HHIP: variants seen among roughly 807,000 people sequenced by gnomAD.
The protein encoded by HHIP is hedgehog interacting protein, also known as hedgehog-interacting protein.
Under a neutral mutation model 74.0 loss-of-function variants are expected in HHIP, and 12 were observed. The observed-to-expected ratio is 0.16, with a 90% CI of 0.10 to 0.26. The LOEUF (loss-of-function observed/expected upper bound fraction) is 0.26, where lower values mean the gene tolerates loss of function less well. Among genes scored for constraint, HHIP ranks in the 10% least tolerant of loss-of-function variants. The pLI, the probability that HHIP is intolerant of heterozygous loss-of-function variation, is 1.00. For synonymous variants in HHIP, 309 were observed against 311.6 expected (o/e 0.99, Z 0.09); for missense variants, 788 against 845.0 (o/e 0.93, Z 0.84).
intron 4 of HHIP, among the ~76,000 whole-genome samples, chr4:144,691,627 T>C (rs907885341): frequency 5.3e-5 from 8 of 152,184 alleles, no homozygotes; most frequent in African/African-American, 1.7e-4. Flanking sequence ...TCCATTTATA[T>C]ACTTAAATGT....
At chr4:144,720,172 AGT>A (rs1444341152) in intron 11 of HHIP, among the ~76,000 whole-genome samples, 1 of 152,146 alleles carries the variant, frequency 6.6e-6, no homozygotes, top group Non-Finnish European at 1.5e-5. Flanking sequence ...TTTTTCCACA[AGT>A]GTGAAATTAA....
At chr4:144,708,433 C>A in intron 7 of HHIP, 122 bp downstream of exon 7, 1 of 883,390 alleles carries the variant, frequency 1.1e-6, no homozygotes, top group Non-Finnish European at 1.7e-6. Context: ...TAAGGCCATG[C>A]CTCTAAAGTC....
At chr4:144,715,217 T>C (rs554373213) in intron 9 of HHIP, 83 bp from the exon 10 acceptor site, 302 of 1,343,986 alleles carry the variant, frequency 2.2e-4, no homozygotes, top group South Asian at 7.9e-4. Context: ...TTGTTTGTTA[T>C]GAATTTTATT....
At chr4:144,685,591 A>G (rs1729463626) in intron 4 of HHIP, 1 of 152,184 alleles carries the variant, frequency 6.6e-6, no homozygotes, top group Non-Finnish European at 1.5e-5. Context: ...TTGCTCTTGT[A>G]CTTTCACAGG....
At chr4:144,657,347 G>C (rs994547495) in intron 2 of HHIP, among the ~76,000 whole-genome samples, 5 of 152,104 alleles carry the variant, frequency 3.3e-5, no homozygotes, top group African/African-American at 1.2e-4. Context: ...ATCTGAATTT[G>C]TTATACAACT....
At position 144,705,900 on chromosome 4, in the gene HHIP, A is replaced by C. The variant is rs565718349; in HGVS notation, c.832-631A>C. Among the ~76,000 whole-genome samples, 9 of 152,250 alleles carry C rather than the reference A, an allele frequency of 5.9e-5. No homozygotes were observed. The South Asian group carries it at 1.9e-3, about 32-fold the overall frequency. On this transcript the variant is annotated intron_variant, in intron 4 of 12. Transcript: ENST00000296575. ...CCTCTGGCTGCTTCATCCTTCTGTA[A>C]AGAAAAACCCTATGCAGCGAAGGGA... is the stretch of plus-strand genomic sequence containing the variant.
rs1731287231 is a variant in HHIP, at chr4:144,742,733, T to C, written c.*4776T>C. On this transcript the variant is annotated 3_prime_UTR_variant, in exon 13 of 13. Transcript: ENST00000296575. ...ACCATCAGAAAGTTTATCTTTAAAATACCTAAAAATAAATATATATTTGCT... is the reference window on the plus strand; with the variant it reads ...ACCATCAGAAAGTTTATCTTTAAAACACCTAAAAATAAATATATATTTGCT... 1.3e-5 allele frequency: 2 copies of C among 150,164 alleles called. No individual in the cohort carries two copies. Among genetic ancestry groups the C allele is most frequent in the Admixed American group, 1.3e-4 (2 of 14,954 alleles). The allele number at this position is 150,164 out of a possible 1,614,324, so 9.3% of individuals were successfully genotyped here.
In HHIP at chr4:144,659,720, G is replaced by A. The variant is rs759006205; in HGVS notation, c.713G>A (p.Gly238Asp). The A allele has an allele frequency of 1.2e-6, 2 of 1,610,046 alleles. No individual in the cohort carries two copies. The highest frequency in any genetic ancestry group is 8.5e-7 in the Non-Finnish European group (1 of 1,178,578). ...QPVGALHSGD[G>D]SQRLFILEKE... Reference sequence around the variant, plus strand: ...GTTGGTGCCCTGCATAGTGGGGATGGCTCGCAACGTCTCTTCATTCTGGAA... The same window carrying A: ...GTTGGTGCCCTGCATAGTGGGGATGACTCGCAACGTCTCTTCATTCTGGAA... The change falls in exon 4 of 13, where the codon GGC becomes GAC. Residue 238 changes from glycine (G) to aspartate (D), a missense_variant. By Grantham distance (94) the Gly-to-Asp change is moderately conservative (BLOSUM62 -1). Around this residue, in one of 3 missense-constraint regions of HHIP, gnomAD observed 373 missense variants for 366.4 expected, o/e 1.02. Transcript: ENST00000296575.
chr4:144,708,074 AT>A, intron 6 of HHIP, 93 bp from the exon 7 acceptor site: 2 of 1,340,494 alleles, frequency 1.5e-6, no homozygotes, highest in Non-Finnish European at 1.1e-6. Flanking sequence ...TAAGGGGATG[AT>A]TTTTTCATCA....
Position 144,717,003 on chromosome 4 carries a change from G to A in HHIP, c.1678+1573G>A, listed in dbSNP as rs139485520. Reference sequence around the variant, plus strand: ...ATTCATCATCACTCATTATGTTAACGTCACCACCATTAGGTAAAATATCCC... The same window carrying A: ...ATTCATCATCACTCATTATGTTAACATCACCACCATTAGGTAAAATATCCC... On this transcript the variant is annotated intron_variant, in intron 10 of 12. Coordinates refer to ENST00000296575, the MANE Select transcript of HHIP (RefSeq NM_022475.3). Among the ~76,000 whole-genome samples, 260 of 150,550 alleles carry A rather than the reference G, an allele frequency of 1.7e-3. 2 individuals are homozygous for A. Among genetic ancestry groups the A allele is most frequent in the African/African-American group, 5.9e-3 (243 of 40,946 alleles).
chr4:144,653,832 C>T lies in HHIP; in HGVS notation c.472+1035C>T, dbSNP rs1728490961. On this transcript the variant is annotated intron_variant, in intron 2 of 12. Coordinates refer to ENST00000296575, the MANE Select transcript of HHIP (RefSeq NM_022475.3). ...GGGTTGCTTGCTCCTTTGCATCTAG[C>T]ATAACATATATCTAAACCCATTCAA... 2.0e-5 allele frequency among the ~76,000 whole-genome samples: 3 copies of T among 152,056 alleles called. 1 individual carries two copies. Among genetic ancestry groups the T allele is most frequent in the Non-Finnish European group, 4.4e-5 (3 of 68,012 alleles).
At chr4:144,730,642 T>A (rs1730927199) in intron 11 of HHIP, among the ~76,000 whole-genome samples, 1 of 152,200 alleles carries the variant, frequency 6.6e-6, no homozygotes, top group Admixed American at 6.5e-5. Context: ...CACAGATATA[T>A]ACCCTAAAGT....
intron 4 of HHIP, chr4:144,660,039 C>A (rs146916919): frequency 6.9e-4 from 391 of 566,536 alleles, no homozygotes; most frequent in Admixed American, 1.3e-3. Flanking sequence ...GACTATTGTG[C>A]GCTGCAATCG....
Position 144,707,126 on chromosome 4 carries a change from C to A in HHIP, c.1023C>A (p.Val341=), listed in dbSNP as rs1730169749. Residue 341 remains valine (V), a synonymous_variant, in exon 6 of 13, where the codon GTC becomes GTA. Coordinates refer to ENST00000296575, the MANE Select transcript of HHIP (RefSeq NM_022475.3). ...PHQVDLRTAR[V]FLEVAELHRK... is the part of the protein sequence containing the mutation. Reference sequence around the variant, plus strand: ...AAGTTGATTTGAGAACAGCCAGAGTCTTTCTTGAAGTTGCAGAACTCCACA... The same window carrying A: ...AAGTTGATTTGAGAACAGCCAGAGTATTTCTTGAAGTTGCAGAACTCCACA... The A allele has an allele frequency of 6.2e-7, 1 of 1,613,988 alleles. No homozygotes were observed. Among genetic ancestry groups the A allele is most frequent in the East Asian group, 2.2e-5 (1 of 44,892 alleles).
chr4:144,722,023 G>A (rs1230620360), intron 11 of HHIP, among the ~76,000 whole-genome samples: 1 of 152,100 alleles, frequency 6.6e-6, no homozygotes, highest in South Asian at 2.1e-4. Context: ...TCTTATGGCA[G>A]GGCAGAGTTA....
At chr4:144,723,220 C>G (rs1017867912) in intron 11 of HHIP, among the ~76,000 whole-genome samples, 1 of 152,110 alleles carries the variant, frequency 6.6e-6, no homozygotes, top group Non-Finnish European at 1.5e-5. Flanking sequence ...GTCACACAGA[C>G]CATTCCCTTA....
At chr4:144,650,122 C>T (rs1320764459) in intron 1 of HHIP, among the ~76,000 whole-genome samples, 1 of 152,104 alleles carries the variant, frequency 6.6e-6, no homozygotes. Flanking sequence ...TGTTTAGTTA[C>T]TTGGTAAATA....
At chr4:144,727,374 G>A (rs752746791) in intron 11 of HHIP, among the ~76,000 whole-genome samples, 3 of 151,998 alleles carry the variant, frequency 2.0e-5, no homozygotes, top group South Asian at 2.1e-4. Flanking sequence ...TGTTATTTTC[G>A]GGGTTAGGGC....
At position 144,719,612 on chromosome 4, in the gene HHIP, A is replaced by C. The variant is rs376673671; in HGVS notation, c.1760+656A>C. Among the ~76,000 whole-genome samples, 20 of 152,328 alleles carry C rather than the reference A, an allele frequency of 1.3e-4. No individual in the cohort carries two copies. The South Asian group carries it at 3.7e-3, about 28-fold the overall frequency. On this transcript the variant is annotated intron_variant, in intron 11 of 12. Transcript: ENST00000296575. Reference sequence around the variant, plus strand: ...TGTACTTCAATCATCTTGAATCATCAATAGTCAGTTGTTAATTTCATGGAT... The same window carrying C: ...TGTACTTCAATCATCTTGAATCATCCATAGTCAGTTGTTAATTTCATGGAT...
Sources: gnomAD v4.1 joint callset for allele counts (sites outside exome capture counted in the v4.1 genomes callset) on GRCh38, gnomAD v4.1.1 for gene constraint, gnomAD v4.1.1 regional missense constraint, MANE v1.5 for transcripts, NCBI Gene and HGNC (gene_info 2026-07-23, HGNC 2026-07-21) for gene names.